The following ANK3 variants were observed in gnomAD, a reference collection of about 807,000 sequenced individuals.
The protein encoded by ANK3 is ankyrin 3.
A neutral mutation model predicts 370.9 loss-of-function variants in ANK3; 57 were observed. The observed-to-expected ratio is 0.15, with a 90% CI of 0.12 to 0.19. The LOEUF is 0.19. ANK3 is among the 10% of genes least tolerant of loss of function. The pLI is 1.00. For synonymous variants in ANK3, 1,929 were observed against 1,946.3 expected, an observed-to-expected ratio of 0.99 and a Z score of 0.23; for missense variants, 4,439 against 5,302.1, an observed-to-expected ratio of 0.84 and a Z score of 5.06.
At chr10:60,375,229 C>T (rs553536193) in intron 1 of ANK3, among the ~76,000 whole-genome samples, 3 of 152,234 alleles carry the variant, frequency 2.0e-5, no homozygotes, top group South Asian at 2.1e-4. Context: ...GTACTAGGGG[C>T]ACAACAGGTA....
Position 60,072,273 on chromosome 10 carries a change from G to C in ANK3, c.8608C>G (p.Leu2870Val). The C allele has an allele frequency of 6.2e-7, 1 of 1,614,076 alleles. No homozygotes were observed. Among genetic ancestry groups the C allele is most frequent in the Non-Finnish European group, 8.5e-7 (1 of 1,179,996 alleles). The change falls in exon 37 of 44, where the codon CTT (leucine) becomes GTT (valine). Residue 2870 changes from leucine to valine, a missense_variant. By Grantham distance (32) the Leu-to-Val change is conservative (BLOSUM62 1). Around this residue, in one of 13 missense-constraint regions of ANK3, gnomAD observed 1,601 missense variants for 1,731.7 expected, o/e 0.92. Transcript: ENST00000280772. ...ATNNKSQKEK[L>V]SHVLVHDVRE... Reference sequence around the variant, plus strand: ...ACATCATGAACAAGTACATGCGAAAGTTTTTCTTTCTGAGACTTATTGTTA... The same window carrying C: ...ACATCATGAACAAGTACATGCGAAACTTTTTCTTTCTGAGACTTATTGTTA...
At chr10:60,092,899 C>T (rs2088976413) in intron 28 of ANK3, among the ~76,000 whole-genome samples, 1 of 152,144 alleles carries the variant, frequency 6.6e-6, no homozygotes, top group African/African-American at 2.4e-5. Flanking sequence ...CCACGCCCAG[C>T]TAATTTTTGT....
At chr10:60,303,870 GTA>G (rs1285706473) in intron 1 of ANK3, among the ~76,000 whole-genome samples, 5 of 137,532 alleles carry the variant, frequency 3.6e-5, no homozygotes, top group East Asian at 2.0e-4. Context: ...AAAATGTGGT[GTA>G]TATATGTGTG....
chr10:60,137,435 A>G (rs2094406368), intron 24 of ANK3: 3 of 325,068 alleles, frequency 9.2e-6, no homozygotes, highest in South Asian at 7.9e-5. Flanking sequence ...AAAAAGAAAA[A>G]AAATGTTATG....
At chr10:60,189,856 G>A (rs1296628569) in intron 16 of ANK3, among the ~76,000 whole-genome samples, 1 of 152,112 alleles carries the variant, frequency 6.6e-6, no homozygotes, top group African/African-American at 2.4e-5. Context: ...GTAATATATA[G>A]CATTTAAATC....
chr10:60,477,666 C>T (rs544533983), intron 2 of ANK3, among the ~76,000 whole-genome samples: 1 of 151,698 alleles, frequency 6.6e-6, no homozygotes, highest in Non-Finnish European at 1.5e-5. Flanking sequence ...TCAAGTCAAT[C>T]TAAAATGAAT....
Position 60,202,923 on chromosome 10 carries a change from T to C in ANK3, c.1392+79A>G, listed in dbSNP as rs2096707350. On this transcript the variant is annotated intron_variant, in intron 12 of 43. Transcript: ENST00000280772. ...CTCCAACTCTTAAAAAAATAAAAAA[T>C]AAAAAAAGTAGATAAAAACCACCTT... The C allele has an allele frequency of 4.1e-6, 4 of 978,506 alleles. No individual in the cohort carries two copies. The Admixed American group carries it at 7.3e-5, about 18-fold the overall frequency. 60.6% of individuals were successfully genotyped at this position (978,506 alleles called of 1,614,324 possible). A position where few individuals can be genotyped will look rare whatever the true frequency, so the allele number is the denominator to read the frequency against.
chr10:60,072,284 T>C lies in ANK3; in HGVS notation c.8597A>G (p.Gln2866Arg), dbSNP rs375040820. 8 of 1,614,056 alleles carry C rather than the reference T, an allele frequency of 5.0e-6. No individual in the cohort carries two copies. The African/African-American group carries it at 1.1e-4, about 22-fold the overall frequency. The change falls in exon 37 of 44, where the codon CAG becomes CGG. Residue 2866 changes from glutamine (Q) to arginine (R), a missense_variant. Physicochemically the swap from Gln to Arg is conservative, Grantham distance 43 (BLOSUM62 1). Around this residue, in one of 13 missense-constraint regions of ANK3, gnomAD observed 1,601 missense variants for 1,731.7 expected, o/e 0.92. Transcript: ENST00000280772. ...AAGTACATGCGAAAGTTTTTCTTTCTGAGACTTATTGTTAGTGGCTCCCGA... is the reference window on the plus strand; with the variant it reads ...AAGTACATGCGAAAGTTTTTCTTTCCGAGACTTATTGTTAGTGGCTCCCGA... ...ESSGATNNKSQKEKLSHVLVH... is the reference protein window; with the variant it reads ...ESSGATNNKSRKEKLSHVLVH...
intron 1 of ANK3, among the ~76,000 whole-genome samples, chr10:60,344,543 C>T (rs2054980467): frequency 6.6e-6 from 1 of 152,136 alleles, no homozygotes; most frequent in Non-Finnish European, 1.5e-5. Flanking sequence ...AAGGTATTCC[C>T]ACGCACACGG....
chr10:60,586,019 C>T lies in ANK3; in HGVS notation c.96+29167G>A, dbSNP rs185358355. ...AGCCTGGGCGACAAGAGTAAAACTCCGTCTCAAAACAAAAACAAAAACAAA... is the reference window on the plus strand; with the variant it reads ...AGCCTGGGCGACAAGAGTAAAACTCTGTCTCAAAACAAAAACAAAAACAAA... On this transcript the variant is annotated intron_variant, in intron 2 of 43. Transcript: ENST00000373827. Among the ~76,000 whole-genome samples the T allele has an allele frequency of 1.5e-3, 234 of 151,008 alleles. 1 individual carries two copies. Among genetic ancestry groups the T allele is most frequent in the Non-Finnish European group, 1.1e-3 (72 of 67,854 alleles).
At chr10:60,538,110 G>A (rs904634356) in intron 2 of ANK3, among the ~76,000 whole-genome samples, 62 of 151,828 alleles carry the variant, frequency 4.1e-4, no homozygotes, top group African/African-American at 1.5e-3. Context: ...CCATGGGGCC[G>A]CCAACCATAG....
intron 25 of ANK3, among the ~76,000 whole-genome samples, chr10:60,126,371 T>G (rs1232648727): frequency 6.6e-6 from 1 of 152,116 alleles, no homozygotes; most frequent in African/African-American, 2.4e-5. Flanking sequence ...AGGGGCTCCT[T>G]TCTAAAGTTT....
chr10:60,039,275 G>A (rs1481124895), intron 43 of ANK3, among the ~76,000 whole-genome samples: 1 of 152,232 alleles, frequency 6.6e-6, no homozygotes, highest in Non-Finnish European at 1.5e-5. Context: ...ACATGGCTGT[G>A]AGAACCTGAG....
intron 16 of ANK3, among the ~76,000 whole-genome samples, chr10:60,193,441 G>C (rs2132392195): frequency 6.6e-6 from 1 of 152,232 alleles, no homozygotes; most frequent in Admixed American, 6.5e-5. Flanking sequence ...CAGATCACTT[G>C]AGGTCAGGAG....
At chr10:60,445,215 C>T (rs1467099664) in intron 2 of ANK3, among the ~76,000 whole-genome samples, 2 of 152,080 alleles carry the variant, frequency 1.3e-5, no homozygotes, top group East Asian at 3.9e-4. Flanking sequence ...ATGACAAAAT[C>T]ACATCTCTAC....
At chr10:60,440,137 G>A (rs2064263184) in intron 2 of ANK3, among the ~76,000 whole-genome samples, 1 of 152,050 alleles carries the variant, frequency 6.6e-6, no homozygotes, top group South Asian at 2.1e-4. Flanking sequence ...AGAGTAGAAG[G>A]AGGATAAAGA....
chr10:60,519,837 G>A (rs1380444562), intron 2 of ANK3, among the ~76,000 whole-genome samples: 2 of 152,128 alleles, frequency 1.3e-5, no homozygotes, highest in Non-Finnish European at 2.9e-5. Context: ...TGGGAAATAC[G>A]GATGACATCA....
chr10:60,082,209 G>A, intron 34 of ANK3, 33 bp from the exon 35 acceptor site: 1 of 1,584,838 alleles, frequency 6.3e-7, no homozygotes, highest in Non-Finnish European at 8.7e-7. Flanking sequence ...CAGAGACAAG[G>A]AATATTATAA....
Position 60,196,216 on chromosome 10 carries a change from C to T in ANK3, c.1816G>A (p.Ala606Thr), listed in dbSNP as rs747311637. ...KSGLTPLHVA[A>T]HYDNQKVALL... The stretch of plus-strand genomic sequence containing the variant: ...GCCACTTTCTGATTATCGTAATGTG[C>T]AGCTACATGCAGTGGTGTTAGCCCG... The change falls in exon 16 of 44, where the codon GCA becomes ACA. Residue 606 changes from alanine to threonine, a missense_variant. Ala to Thr is a moderately conservative substitution (Grantham distance 58). Coordinates refer to ENST00000280772, the MANE Select transcript of ANK3 (RefSeq NM_020987.5). The T allele has an allele frequency of 6.2e-7, 1 of 1,613,990 alleles. No individual in the cohort carries two copies. Among genetic ancestry groups the T allele is most frequent in the Non-Finnish European group, 8.5e-7 (1 of 1,179,924 alleles).
Sources: gnomAD v4.1 joint callset for allele counts (sites outside exome capture counted in the v4.1 genomes callset) on GRCh38, gnomAD v4.1.1 for gene constraint, gnomAD v4.1.1 regional missense constraint, MANE v1.5 for transcripts, NCBI Gene and HGNC (gene_info 2026-07-23, HGNC 2026-07-21) for gene names.